The following TENM3 variants were observed in gnomAD, a reference collection of about 807,000 sequenced individuals.
TENM3 encodes teneurin transmembrane protein 3, also known as teneurin-3.
In TENM3, 63 loss-of-function variants were observed where a neutral mutation model predicts 255.1. The ratio of observed to expected loss-of-function variants is 0.25; its 90% CI spans 0.20 to 0.30. The LOEUF (loss-of-function observed/expected upper bound fraction) is 0.30. TENM3 is among the 10% of genes least tolerant of loss of function. The pLI is 1.00. For synonymous variants in TENM3, 1,306 were observed against 1,322.3 expected, an observed-to-expected ratio of 0.99 and a Z score of 0.27; for missense variants, 2,929 against 3,461.1, an observed-to-expected ratio of 0.85 and a Z score of 3.86.
chr4:182,208,624 A>C (rs1426622569), intron 1 of TENM3, among the ~76,000 whole-genome samples: 1 of 152,184 alleles, frequency 6.6e-6, no homozygotes, highest in Non-Finnish European at 1.5e-5. Context: ...CAAAGGTAGC[A>C]TTTCTTATCA....
At chr4:181,479,379 G>T in the TENM3 span, among the ~76,000 whole-genome samples, 1 of 152,144 alleles carries the variant, frequency 6.6e-6, no homozygotes, top group South Asian at 2.1e-4. Context: ...CCTATACATA[G>T]CATGGCTGTG....
the TENM3 span, among the ~76,000 whole-genome samples, chr4:181,535,639 C>T: frequency 1.3e-5 from 2 of 152,284 alleles, no homozygotes; most frequent in African/African-American, 4.8e-5. Flanking sequence ...CAGCCTCAGC[C>T]TTTCTTCAAG....
At chr4:182,669,429 C>A (rs187678289) in intron 6 of TENM3, among the ~76,000 whole-genome samples, 1 of 152,070 alleles carries the variant, frequency 6.6e-6, no homozygotes, top group East Asian at 1.9e-4. Flanking sequence ...GCCACCACAC[C>A]GGGCTAATTT....
At chr4:182,443,869 G>C (rs556029440) in intron 3 of TENM3, among the ~76,000 whole-genome samples, 1 of 152,310 alleles carries the variant, frequency 6.6e-6, no homozygotes, top group Admixed American at 6.5e-5. Context: ...GATATCTAAA[G>C]AAAGAGCCCT....
intron 3 of TENM3, among the ~76,000 whole-genome samples, chr4:182,393,972 A>G (rs201808779): frequency 1.3e-5 from 2 of 152,242 alleles, no homozygotes; most frequent in East Asian, 3.8e-4. Context: ...CCATGCATGA[A>G]GGCAGAGAAC....
At chr4:182,664,003 A>G (rs759028435) in intron 6 of TENM3, among the ~76,000 whole-genome samples, 1 of 152,198 alleles carries the variant, frequency 6.6e-6, no homozygotes, top group Non-Finnish European at 1.5e-5. Context: ...GTATACTCAG[A>G]ATGCGGTGAA....
intron 3 of TENM3, among the ~76,000 whole-genome samples, chr4:182,526,475 T>C (rs1438211752): frequency 2.0e-5 from 3 of 152,162 alleles, no homozygotes; most frequent in Non-Finnish European, 4.4e-5. Context: ...CTTCTTCCTT[T>C]AGTGGGACTC....
intron 4 of TENM3, among the ~76,000 whole-genome samples, chr4:182,616,764 T>C (rs1749582058): frequency 6.6e-6 from 1 of 152,084 alleles, no homozygotes; most frequent in Non-Finnish European, 1.5e-5. Flanking sequence ...AGCTAGGCAT[T>C]TGAGCAGAGT....
the TENM3 span, among the ~76,000 whole-genome samples, chr4:181,827,637 T>A: frequency 6.6e-6 from 1 of 152,214 alleles, no homozygotes; most frequent in African/African-American, 2.4e-5. Context: ...AGACTATCAT[T>A]TCAATCATTG....
At chr4:182,186,222 A>G (rs1753140671) in intron 1 of TENM3, among the ~76,000 whole-genome samples, 1 of 152,192 alleles carries the variant, frequency 6.6e-6, no homozygotes, top group African/African-American at 2.4e-5. Context: ...ACAAGTCCAC[A>G]GGAGATGAAA....
chr4:182,521,812 C>T (rs563572465), intron 3 of TENM3, among the ~76,000 whole-genome samples: 134 of 152,266 alleles, frequency 8.8e-4, no homozygotes, highest in African/African-American at 2.9e-3. Context: ...CAACCAGGAA[C>T]GTTATAGTCC....
chr4:182,153,577 C>T (rs1234205709), intron 1 of TENM3, among the ~76,000 whole-genome samples: 1 of 152,128 alleles, frequency 6.6e-6, no homozygotes, highest in Non-Finnish European at 1.5e-5. Flanking sequence ...TCTGAGCCTT[C>T]AAATCTAGTT....
chr4:182,518,304 C>T (rs914659276), intron 3 of TENM3, among the ~76,000 whole-genome samples: 1 of 151,710 alleles, frequency 6.6e-6, no homozygotes, highest in Non-Finnish European at 1.5e-5. Flanking sequence ...CTGTATGAAT[C>T]GTGACTGTGA....
the TENM3 span, among the ~76,000 whole-genome samples, chr4:181,458,025 A>C: frequency 6.6e-6 from 1 of 152,030 alleles, no homozygotes; most frequent in South Asian, 2.1e-4. Context: ...TGTTAAAGCA[A>C]ATTTTAAAAG....
chr4:181,489,720 T>A, the TENM3 span, among the ~76,000 whole-genome samples: 11 of 152,352 alleles, frequency 7.2e-5, 1 homozygote, highest in South Asian at 1.4e-3. Flanking sequence ...TTAAGGTTCT[T>A]TAAATAACTA....
the TENM3 span, among the ~76,000 whole-genome samples, chr4:181,448,537 C>T: frequency 6.6e-6 from 1 of 151,988 alleles, no homozygotes. Context: ...AGCTTTGGTT[C>T]ATAAAACAGG....
the TENM3 span, among the ~76,000 whole-genome samples, chr4:181,709,317 T>C: frequency 2.0e-5 from 3 of 152,188 alleles, no homozygotes; most frequent in South Asian, 2.1e-4. Flanking sequence ...ACACAAGAGA[T>C]ACATTGTTGA....
chr4:182,333,888 G>A (rs1580192691), intron 2 of TENM3, among the ~76,000 whole-genome samples: 1 of 152,220 alleles, frequency 6.6e-6, no homozygotes, highest in South Asian at 2.1e-4. Flanking sequence ...ATAAATATAT[G>A]GACAGTGTAG....
the TENM3 span, among the ~76,000 whole-genome samples, chr4:182,008,307 G>T: frequency 6.6e-6 from 1 of 152,014 alleles, no homozygotes; most frequent in Non-Finnish European, 1.5e-5. Context: ...AGTTCTCCTG[G>T]ATAATATCCT....
Sources: allele counts gnomAD v4.1 joint callset (sites outside exome capture counted in the v4.1 genomes callset), GRCh38; gene constraint gnomAD v4.1.1; transcripts MANE v1.5; gene names NCBI Gene and HGNC (gene_info 2026-07-23, HGNC 2026-07-21).